EMCN: variants seen among roughly 807,000 people sequenced by gnomAD.
EMCN encodes the protein MUC-14.
In EMCN, 37 loss-of-function variants were observed where a neutral mutation model predicts 38.4. That is an observed-to-expected ratio of 0.96 (90% CI 0.74 to 1.27). The LOEUF is 1.27. EMCN is among the 50% of genes most tolerant of loss of function. The probability of loss-of-function intolerance (pLI) is 0.00; values close to 1 mark genes in which losing one functional copy is unlikely to be tolerated. For synonymous variants in EMCN, 95 were observed against 100.8 expected (o/e 0.94, Z 0.35); for missense variants, 318 against 302.8 (o/e 1.05, Z -0.37).
At chr4:100,466,781 G>A (rs1728328390) in intron 3 of EMCN, among the ~76,000 whole-genome samples, 1 of 152,226 alleles carries the variant, frequency 6.6e-6, no homozygotes, top group Non-Finnish European at 1.5e-5. Context: ...AACATTTGAG[G>A]ATGGAGGAAC....
At chr4:100,420,843 C>T (rs1400459979) in intron 8 of EMCN, among the ~76,000 whole-genome samples, 3 of 152,036 alleles carry the variant, frequency 2.0e-5, no homozygotes, top group East Asian at 1.9e-4. Flanking sequence ...AAGATACTTT[C>T]GTTGGGTGTG....
At chr4:100,490,611 G>A (rs1729052978) in intron 1 of EMCN, among the ~76,000 whole-genome samples, 1 of 152,062 alleles carries the variant, frequency 6.6e-6, no homozygotes, top group African/African-American at 2.4e-5. Context: ...TATTTAAATT[G>A]CCTACTGTAT....
At chr4:100,498,491 C>CT (rs768052759) in intron 1 of EMCN, among the ~76,000 whole-genome samples, 111 of 145,122 alleles carry the variant, frequency 7.6e-4, no homozygotes, top group Middle Eastern at 3.6e-3. Flanking sequence ...CAGTGTATCA[C>CT]TTTTTTTTTT....
intron 4 of EMCN, among the ~76,000 whole-genome samples, chr4:100,460,896 T>C (rs574262318): frequency 2.6e-5 from 4 of 152,364 alleles, no homozygotes; most frequent in African/African-American, 9.6e-5. Flanking sequence ...GCATTTCTCC[T>C]AGGTTTTCTT....
chr4:100,473,365 G>GGTTTT (rs1728533364), intron 3 of EMCN, among the ~76,000 whole-genome samples: 1 of 29,878 alleles, frequency 3.3e-5, no homozygotes, highest in African/African-American at 8.0e-5. Context: ...CCCGTTTCGT[G>GGTTTT]TTTTTTTGTT....
chr4:100,446,508 T>C (rs537026998), intron 5 of EMCN, among the ~76,000 whole-genome samples: 2 of 152,140 alleles, frequency 1.3e-5, no homozygotes, highest in African/African-American at 4.8e-5. Flanking sequence ...GTGTCACTCA[T>C]AATTTTTTTA....
At chr4:100,455,152 T>C (rs1269525061) in intron 4 of EMCN, among the ~76,000 whole-genome samples, 8 of 152,122 alleles carry the variant, frequency 5.3e-5, no homozygotes, top group Admixed American at 5.2e-4. Context: ...TTGAGTCTTT[T>C]TTTAAGATTT....
intron 5 of EMCN, among the ~76,000 whole-genome samples, chr4:100,429,424 T>C (rs1727138740): frequency 6.6e-6 from 1 of 152,164 alleles, no homozygotes; most frequent in African/African-American, 2.4e-5. Context: ...CAATGGTGCC[T>C]CCTGTCTACT....
At chr4:100,506,414 C>T (rs115211192) in intron 1 of EMCN, among the ~76,000 whole-genome samples, 9 of 151,858 alleles carry the variant, frequency 5.9e-5, no homozygotes, top group African/African-American at 2.2e-4. Context: ...TGAGATTAAC[C>T]CAAATGCCCA....
intron 5 of EMCN, among the ~76,000 whole-genome samples, chr4:100,427,106 C>T (rs1727068679): frequency 6.6e-6 from 1 of 151,934 alleles, no homozygotes; most frequent in Admixed American, 6.6e-5. Flanking sequence ...TTATTCATGT[C>T]CCATTTAAAA....
intron 11 of EMCN, among the ~76,000 whole-genome samples, chr4:100,403,904 C>T (rs952063134): frequency 6.6e-6 from 1 of 152,004 alleles, no homozygotes; most frequent in African/African-American, 2.4e-5. Flanking sequence ...GTCCTTTGCC[C>T]ATTTTTTAAT....
At position 100,414,684 on chromosome 4, in the gene EMCN, C is replaced by T. The variant is rs558522117; in HGVS notation, c.751+1214G>A. Among the ~76,000 whole-genome samples the T allele has an allele frequency of 6.6e-5, 10 of 152,104 alleles. No homozygotes were observed. In the East Asian group the frequency reaches 7.7e-4, roughly 12 times the overall value. Reference sequence around the variant, plus strand: ...TTCAACTCTTCTGTTTGCCTTTTGCCGTTTGTTCTAGTTTGAATTTATACA... The same window carrying T: ...TTCAACTCTTCTGTTTGCCTTTTGCTGTTTGTTCTAGTTTGAATTTATACA... On this transcript the variant is annotated intron_variant, in intron 10 of 11. Coordinates refer to ENST00000296420, the MANE Select transcript of EMCN (RefSeq NM_016242.4).
chr4:100,403,891 C>T (rs761788527), intron 11 of EMCN, among the ~76,000 whole-genome samples: 1 of 152,076 alleles, frequency 6.6e-6, no homozygotes, highest in Non-Finnish European at 1.5e-5. Flanking sequence ...AGTGTGCATT[C>T]ATGTCCTTTG....
At chr4:100,418,395 A>G (rs1726797171) in intron 8 of EMCN, among the ~76,000 whole-genome samples, 1 of 152,288 alleles carries the variant, frequency 6.6e-6, no homozygotes, top group East Asian at 1.9e-4. Context: ...TTCGTGTTAC[A>G]AACAGTTCAA....
intron 1 of EMCN, among the ~76,000 whole-genome samples, chr4:100,507,762 G>A (rs1007042076): frequency 2.6e-5 from 4 of 151,662 alleles, no homozygotes; most frequent in East Asian, 1.9e-4. Context: ...TCTTTTTTCC[G>A]GATGTTGGTT....
chr4:100,417,115 A>G lies in EMCN; in HGVS notation c.689+2T>C. On this transcript the variant is annotated splice_donor_variant, in intron 9 of 11. Coordinates refer to ENST00000296420, the MANE Select transcript of EMCN (RefSeq NM_016242.4). LOFTEE classifies it high-confidence loss of function. ...AACAAAAGATGATATGGGCTTACTT[A>G]CTGATCATTTCCATTTTCTGGTGTG... is the stretch of plus-strand genomic sequence containing the variant. 1 of 1,613,706 alleles carries G rather than the reference A, an allele frequency of 6.2e-7. No individual in the cohort carries two copies. Among genetic ancestry groups the G allele is most frequent in the Non-Finnish European group, 8.5e-7 (1 of 1,179,692 alleles).
rs35561750 is a variant in EMCN at position 100,398,380 on chromosome 4, GCAACAACAACAA to G, written c.*40-19_*40-8del. On this transcript the variant is annotated splice_region_variant and splice_polypyrimidine_tract_variant and intron_variant, in intron 11 of 11. Transcript: ENST00000296420. ...TAGAAGCTGAAGATTAAGCCTGTGA[GCAACAACAACAA>G]CAACAACAACAACAACAAAGTTCAG... is the stretch of plus-strand genomic sequence containing the variant. The G allele has an allele frequency of 2.7e-5, 4 of 150,070 alleles. No homozygotes were observed. Among genetic ancestry groups the G allele is most frequent in the Admixed American group, 6.6e-5 (1 of 15,060 alleles). 9.3% of individuals were successfully genotyped at this position (150,070 alleles called of 1,614,324 possible). A position where few individuals can be genotyped will look rare whatever the true frequency, so the allele number is the denominator to read the frequency against.
intron 4 of EMCN, among the ~76,000 whole-genome samples, chr4:100,464,050 T>G (rs929013960): frequency 1.3e-5 from 2 of 152,024 alleles, no homozygotes; most frequent in African/African-American, 2.4e-5. Flanking sequence ...TCTATAAACA[T>G]GTAATGTATC....
At chr4:100,434,436 T>C (rs1727292717) in intron 5 of EMCN, among the ~76,000 whole-genome samples, 1 of 150,304 alleles carries the variant, frequency 6.7e-6, no homozygotes, top group Admixed American at 6.6e-5. Context: ...AGTTGAATTC[T>C]ACCAGAGGTA....
Sources: gnomAD v4.1 joint callset for allele counts (sites outside exome capture counted in the v4.1 genomes callset) on GRCh38, gnomAD v4.1.1 for gene constraint, MANE v1.5 for transcripts, NCBI Gene and HGNC (gene_info 2026-07-23, HGNC 2026-07-21) for gene names.